Variants in TIMM50 observed in about 807,000 individuals in gnomAD.
TIMM50 encodes mitochondrial import inner membrane translocase subunit TIM50.
In TIMM50, 34 loss-of-function variants were observed where a neutral mutation model predicts 49.6. That is an observed-to-expected ratio of 0.69 (90% CI 0.52 to 0.91). The LOEUF is 0.91. Ranked by LOEUF, TIMM50 falls within the 40% of genes least tolerant of loss-of-function variation. The pLI is 0.00. For missense variants in TIMM50, 458 were observed against 477.8 expected (o/e 0.96, Z 0.39); for synonymous variants, 199 against 198.4 (o/e 1.00, Z -0.03).
At position 39,488,605 on chromosome 19, in the gene TIMM50, C is replaced by A. The variant is rs751967415; in HGVS notation, c.920C>A (p.Pro307Gln). 1.2e-6 allele frequency: 2 copies of A among 1,613,630 alleles called. No homozygotes were observed. Among genetic ancestry groups the A allele is most frequent in the Non-Finnish European group, 1.7e-6 (2 of 1,180,028 alleles). The stretch of plus-strand genomic sequence containing the variant: ...GAGCACTATGCCCTGGAGGATGACC[C>A]GCTGGCGGCTTTCAAACAGCGGCAA... Reference protein sequence around the residue: ...VLEHYALEDDPLAAFKQRQSR... With the variant: ...VLEHYALEDDQLAAFKQRQSR... Residue 307 changes from proline to glutamine, a missense_variant, in exon 10 of 11, where the codon CCG (proline) becomes CAG (glutamine). Transcript: ENST00000607714.
At position 39,486,106 on chromosome 19, in the gene TIMM50, C is replaced by A. The variant is rs145854379; in HGVS notation, c.493-81C>A. ...GGGAGAGAACTCTGTTCTGGGAATC[C>A]CCCAGGCTGGATCTTTGTCCTCTTG... On this transcript the variant is annotated intron_variant, in intron 6 of 10. Transcript: ENST00000607714. The A allele has an allele frequency of 9.0e-4, 1,270 of 1,405,594 alleles. 3 individuals carry two copies. The highest frequency in any genetic ancestry group is 3.1e-3 in the Middle Eastern group (17 of 5,496). 87.1% of individuals were successfully genotyped at this position (1,405,594 alleles called of 1,614,324 possible). A position where few individuals can be genotyped will look rare whatever the true frequency, so the allele number is the denominator to read the frequency against.
Position 39,493,593 on chromosome 19 carries a change from C to T in TIMM50, c.*3773C>T, listed in dbSNP as rs6508865. The T allele has an allele frequency of 0.6, 90,609 of 151,862 alleles. 27,753 individuals carry two copies. The highest frequency in any genetic ancestry group is 0.73 in the African/African-American group (30,248 of 41,388). The allele number at this position is 151,862 out of a possible 1,614,324, so 9.4% of individuals were successfully genotyped here. Reference sequence around the variant, plus strand: ...ACTGAGTGATTAACCCTGCAAATTTCCTTCTCCTGGCTCAGAAGCACCCCC... The same window carrying T: ...ACTGAGTGATTAACCCTGCAAATTTTCTTCTCCTGGCTCAGAAGCACCCCC... On this transcript the variant is annotated 3_prime_UTR_variant, in exon 11 of 11. Coordinates refer to ENST00000607714, the MANE Select transcript of TIMM50 (RefSeq NM_001001563.5).
intron 1 of TIMM50, 104 bp downstream of exon 1, chr19:39,481,065 T>C: frequency 5.2e-6 from 7 of 1,358,736 alleles, no homozygotes; most frequent in Non-Finnish European, 6.8e-6. Flanking sequence ...CTCAGGGTGC[T>C]GAATGAAACG....
rs1340342261 is a variant in TIMM50, at chr19:39,485,147, AG to A, written c.314-396del. On this transcript the variant is annotated intron_variant, in intron 4 of 10. Coordinates refer to ENST00000607714, the MANE Select transcript of TIMM50 (RefSeq NM_001001563.5). ...AATTTTTTTTTTTTTTTACTGTTTTAGTAGAGACAGAGTTTCACCATGTTGG... is the reference window on the plus strand; with the variant it reads ...AATTTTTTTTTTTTTTTACTGTTTTATAGAGACAGAGTTTCACCATGTTGG... The A allele has an allele frequency of 1.5e-5, 3 of 206,794 alleles. No homozygotes were observed. The South Asian group carries it at 2.4e-4, about 16-fold the overall frequency. The allele number at this position is 206,794 out of a possible 1,614,324, so 12.8% of individuals were successfully genotyped here.
rs56145082 is a variant in TIMM50 at position 39,485,403 on chromosome 19, C to G, written c.314-141C>G. 0.048 allele frequency: 44,237 copies of G among 918,154 alleles called. 1,172 individuals are homozygous for G. Among genetic ancestry groups the G allele is most frequent in the South Asian group, 0.071 (4,812 of 67,442 alleles). The allele number at this position is 918,154 out of a possible 1,614,324, so 56.9% of individuals were successfully genotyped here. On this transcript the variant is annotated intron_variant, in intron 4 of 10. Transcript: ENST00000607714. ...CTGGCGGTATGTCATTGCCTTCTAT[C>G]TTTGGACCTAGAAATGAGTTGGTTC...
chr19:39,482,035 T>C lies in TIMM50; in HGVS notation c.259+2T>C. On this transcript the variant is annotated splice_donor_variant, in intron 2 of 10. Coordinates refer to ENST00000607714, the MANE Select transcript of TIMM50 (RefSeq NM_001001563.5). LOFTEE classifies it high-confidence loss of function. ...CTGTGAGCGTCGTCTATATCTTTGGTGAGGGACATATCCCTGTCCCCCAGT... is the reference window on the plus strand; with the variant it reads ...CTGTGAGCGTCGTCTATATCTTTGGCGAGGGACATATCCCTGTCCCCCAGT... 6.2e-7 allele frequency: 1 copy of C among 1,613,616 alleles called. No homozygotes were observed. The highest frequency in any genetic ancestry group is 8.5e-7 in the Non-Finnish European group (1 of 1,179,588).
chr19:39,488,457 CA>C, intron 9 of TIMM50, 81 bp from the exon 10 acceptor site: 1 of 1,333,566 alleles, frequency 7.5e-7, no homozygotes, highest in Admixed American at 1.8e-5. Context: ...CCCCGTGCCC[CA>C]GTGCGGGACG....
Position 39,493,104 on chromosome 19 carries a change from T to C in TIMM50, c.*3284T>C, listed in dbSNP as rs962039478. ...ACCTCTGCACTCTAGATTTTTTTTT[T>C]TTTGAAGCCTCTACAAAGGATAATT... On this transcript the variant is annotated 3_prime_UTR_variant, in exon 11 of 11. Transcript: ENST00000607714. 6.6e-6 allele frequency: 1 copy of C among 151,958 alleles called. No homozygotes were observed. The highest frequency in any genetic ancestry group is 2.4e-5 in the African/African-American group (1 of 41,340). The allele number at this position is 151,958 out of a possible 1,614,324, so 9.4% of individuals were successfully genotyped here.
In TIMM50 at chr19:39,491,303, A is replaced by G. The variant is rs1330673097; in HGVS notation, c.*1483A>G. On this transcript the variant is annotated 3_prime_UTR_variant, in exon 11 of 11. Transcript: ENST00000607714. Reference sequence around the variant, plus strand: ...CGCCTCAACCTCCCAAGTAGCTGAGATTACAGGCGCACACCACCACGCCCG... The same window carrying G: ...CGCCTCAACCTCCCAAGTAGCTGAGGTTACAGGCGCACACCACCACGCCCG... 1 of 151,490 alleles carries G rather than the reference A, an allele frequency of 6.6e-6. No individual in the cohort carries two copies. Among genetic ancestry groups the G allele is most frequent in the Non-Finnish European group, 1.5e-5 (1 of 67,956 alleles). The allele number at this position is 151,490 out of a possible 1,614,324, so 9.4% of individuals were successfully genotyped here.
At chr19:39,486,772 ATCTTGCTGTG>A (rs1289043510) in intron 8 of TIMM50, among the ~76,000 whole-genome samples, 1 of 151,926 alleles carries the variant, frequency 6.6e-6, no homozygotes, top group African/African-American at 2.4e-5. Flanking sequence ...AGCTGGTTTT[ATCTTGCTGTG>A]TCTGTAACTT....
intron 1 of TIMM50, 97 bp from the exon 2 acceptor site, chr19:39,481,786 C>T: frequency 1.4e-6 from 2 of 1,472,474 alleles, no homozygotes; most frequent in Non-Finnish European, 1.8e-6. Flanking sequence ...TGGGTGTCTG[C>T]CTCTTGGCTC....
In TIMM50 at chr19:39,490,058, C is replaced by T; in HGVS notation, c.*238C>T. The T allele has an allele frequency of 1.9e-6, 1 of 538,228 alleles. No homozygotes were observed. The highest frequency in any genetic ancestry group is 3.3e-6 in the Non-Finnish European group (1 of 300,290). The allele number at this position is 538,228 out of a possible 1,614,324, so 33.3% of individuals were successfully genotyped here. On this transcript the variant is annotated 3_prime_UTR_variant, in exon 11 of 11. Coordinates refer to ENST00000607714, the MANE Select transcript of TIMM50 (RefSeq NM_001001563.5). ...TTGTTGGATCAGAGCAGATTTTTCA[C>T]CCTGGTCTCGGAATCTAAAAACCCT...
At chr19:39,486,915 G>A (rs574307256) in intron 8 of TIMM50, among the ~76,000 whole-genome samples, 43 of 152,284 alleles carry the variant, frequency 2.8e-4, no homozygotes, top group African/African-American at 9.6e-4. Flanking sequence ...ATGGGCCTCT[G>A]TGGGTCTGGC....
At chr19:39,488,281 T>G in intron 9 of TIMM50, 64 bp downstream of exon 9, 1 of 1,551,924 alleles carries the variant, frequency 6.4e-7, no homozygotes, top group Non-Finnish European at 8.8e-7. Flanking sequence ...AGAGGAAGGA[T>G]AAATGCATGA....
At chr19:39,482,760 A>C (rs1031591233) in intron 2 of TIMM50, 125 bp from the exon 3 acceptor site, 39 of 1,301,740 alleles carry the variant, frequency 3.0e-5, no homozygotes, top group Non-Finnish European at 4.0e-5. Flanking sequence ...TCCTGGCTTG[A>C]CTCCAGGAGG....
At chr19:39,483,346 C>A in intron 4 of TIMM50, 190 bp downstream of exon 4, 1 of 687,560 alleles carries the variant, frequency 1.5e-6, no homozygotes, top group Non-Finnish European at 2.5e-6. Context: ...GCCCCTCAGC[C>A]CCGAGCAGAT....
rs550846412 is a variant in TIMM50 at position 39,480,877 on chromosome 19, C to T, written c.24C>T (p.Phe8=). The stretch of plus-strand genomic sequence containing the variant: ...AGATGGCGGCCTCGGCAGCGGTGTT[C>T]TCGCGCTTGCGAAGCGGGCTCCGGC... MAASAAV[F]SRLRSGLRLG... is the part of the protein sequence containing the mutation. The change falls in exon 1 of 11, where the codon TTC becomes TTT. Residue 8 remains phenylalanine (F), a synonymous_variant. Coordinates refer to ENST00000607714, the MANE Select transcript of TIMM50 (RefSeq NM_001001563.5). 4.4e-6 allele frequency: 7 copies of T among 1,599,724 alleles called. No homozygotes were observed. Among genetic ancestry groups the T allele is most frequent in the Non-Finnish European group, 5.1e-6 (6 of 1,176,056 alleles).
intron 10 of TIMM50, among the ~76,000 whole-genome samples, chr19:39,489,008 G>T (rs1243094325): frequency 6.6e-6 from 1 of 152,108 alleles, no homozygotes; most frequent in East Asian, 1.9e-4. Context: ...GCCCAAGGCT[G>T]TGGGGAGAGA....
At position 39,480,943 on chromosome 19, in the gene TIMM50, C is replaced by T. The variant is rs2079466588; in HGVS notation, c.90C>T (p.Pro30=). Residue 30 remains proline (P), a synonymous_variant, in exon 1 of 11, where the codon CCC becomes CCT. Transcript: ENST00000607714. ...RGLCTRLATP[P]RRAPDQAAEI... ...TGTGCACGAGGTTGGCGACGCCGCC[C>T]CGCCGGGCCCCAGATCAGGTGAGCG... 4.4e-6 allele frequency: 7 copies of T among 1,586,056 alleles called. No individual in the cohort carries two copies. The highest frequency in any genetic ancestry group is 2.7e-5 in the African/African-American group (2 of 74,242).
Sources: allele counts gnomAD v4.1 joint callset (sites outside exome capture counted in the v4.1 genomes callset), GRCh38; gene constraint gnomAD v4.1.1; transcripts MANE v1.5; gene names NCBI Gene and HGNC (gene_info 2026-07-23, HGNC 2026-07-21).